RSRC1: variants seen among roughly 807,000 people sequenced by gnomAD.
The protein encoded by RSRC1 is arginine and serine rich coiled-coil 1.
A neutral mutation model predicts 49.1 loss-of-function variants in RSRC1; 39 were observed. The ratio of observed to expected loss-of-function variants is 0.79; its 90% CI spans 0.61 to 1.04. The LOEUF is 1.04. Among genes scored for constraint, RSRC1 ranks in the 50% least tolerant of loss-of-function variants. The pLI is 0.00. For synonymous variants in RSRC1, 143 were observed against 130.8 expected (o/e 1.09, Z -0.63); for missense variants, 388 against 402.4 (o/e 0.96, Z 0.31).
intron 6 of RSRC1, among the ~76,000 whole-genome samples, chr3:158,360,026 G>A (rs1221304062): frequency 6.6e-6 from 1 of 152,008 alleles, no homozygotes; most frequent in Non-Finnish European, 1.5e-5. Context: ...TCAGCAGAGA[G>A]GGTAGCTCCT....
intron 6 of RSRC1, among the ~76,000 whole-genome samples, chr3:158,427,106 C>G (rs1735487282): frequency 6.6e-6 from 1 of 151,654 alleles, no homozygotes; most frequent in African/African-American, 2.4e-5. Flanking sequence ...AGAGATACTT[C>G]TTGCCTGTGT....
At chr3:158,366,191 T>G (rs558986245) in intron 6 of RSRC1, among the ~76,000 whole-genome samples, 33 of 152,342 alleles carry the variant, frequency 2.2e-4, no homozygotes, top group African/African-American at 7.2e-4. Flanking sequence ...TTGCCATTGC[T>G]TTTGGTGTTT....
intron 7 of RSRC1, 75 bp downstream of exon 7, chr3:158,461,078 T>A: frequency 9.6e-7 from 1 of 1,036,956 alleles, no homozygotes; most frequent in Non-Finnish European, 1.4e-6. Context: ...TAGAATATAA[T>A]CTAATGCCTT....
intron 4 of RSRC1, among the ~76,000 whole-genome samples, chr3:158,216,287 G>A (rs557102600): frequency 2.0e-5 from 3 of 150,664 alleles, no homozygotes; most frequent in African/African-American, 7.3e-5. Context: ...TTTATGATTA[G>A]CTTAAGTTCA....
intron 6 of RSRC1, among the ~76,000 whole-genome samples, chr3:158,439,364 CAT>C (rs1443441997): frequency 2.0e-5 from 3 of 152,096 alleles, no homozygotes; most frequent in South Asian, 2.1e-4. Flanking sequence ...CACATGCACA[CAT>C]GTGTTTATTG....
intron 3 of RSRC1, among the ~76,000 whole-genome samples, chr3:158,175,376 A>G (rs546481768): frequency 3.9e-5 from 6 of 152,206 alleles, no homozygotes; most frequent in African/African-American, 4.8e-5. Context: ...GTTAAAATCA[A>G]TTGCAGTCTC....
intron 4 of RSRC1, among the ~76,000 whole-genome samples, chr3:158,246,013 T>C (rs1042875853): frequency 2.6e-5 from 4 of 152,160 alleles, no homozygotes; most frequent in African/African-American, 7.2e-5. Context: ...GTGTCTTTCA[T>C]TGGGGCATTT....
intron 4 of RSRC1, among the ~76,000 whole-genome samples, chr3:158,223,981 A>G (rs1278302621): frequency 3.3e-5 from 5 of 151,800 alleles, no homozygotes; most frequent in East Asian, 3.9e-4. Flanking sequence ...CCATTACTCT[A>G]TATTCTGTTT....
intron 4 of RSRC1, among the ~76,000 whole-genome samples, chr3:158,286,290 A>T (rs1243485206): frequency 1.3e-5 from 2 of 152,228 alleles, no homozygotes; most frequent in African/African-American, 4.8e-5. Flanking sequence ...TGGGAATTTA[A>T]TTCAAGTTTC....
chr3:158,509,752 A>G (rs1480073693), intron 7 of RSRC1, among the ~76,000 whole-genome samples: 1 of 152,228 alleles, frequency 6.6e-6, no homozygotes, highest in African/African-American at 2.4e-5. Flanking sequence ...CCATAGTGAT[A>G]GTACTGTCTA....
chr3:158,157,642 A>G (rs1435954198), intron 3 of RSRC1, among the ~76,000 whole-genome samples: 1 of 152,056 alleles, frequency 6.6e-6, no homozygotes, highest in African/African-American at 2.4e-5. Context: ...TTGAGGAACA[A>G]TGAAGAGCAA....
chr3:158,475,150 TTGGG>T (rs1258329226), intron 7 of RSRC1, among the ~76,000 whole-genome samples: 2 of 151,954 alleles, frequency 1.3e-5, no homozygotes, highest in Non-Finnish European at 2.9e-5. Flanking sequence ...TCTTGAACTT[TTGGG>T]CTCAAGCAAT....
rs549667591 is a variant in RSRC1, at chr3:158,115,642, A to G, written c.-3+5419A>G. 5.3e-5 allele frequency among the ~76,000 whole-genome samples: 8 copies of G among 152,306 alleles called. No individual in the cohort carries two copies. In the East Asian group the frequency reaches 1.5e-3, roughly 29 times the overall value. On this transcript the variant is annotated intron_variant, in intron 1 of 9. Coordinates refer to ENST00000611884, the MANE Select transcript of RSRC1 (RefSeq NM_001271838.2). ...GATATGAAAAATAACTGTGTTTTCC[A>G]AAACAAACTTAGTGAGAAAAGTGGC... is the stretch of plus-strand genomic sequence containing the variant.
In RSRC1 at chr3:158,474,759, A is replaced by G. The variant is rs1348206495; in HGVS notation, c.652+13756A>G. 2.6e-5 allele frequency among the ~76,000 whole-genome samples: 4 copies of G among 152,174 alleles called. No homozygotes were observed. In the East Asian group the frequency reaches 7.7e-4, roughly 29 times the overall value. ...TAATTCTAGCCCTTCTCCTTTGCCTAGCTGATACCTACCAATCCTTCAGGT... is the reference window on the plus strand; with the variant it reads ...TAATTCTAGCCCTTCTCCTTTGCCTGGCTGATACCTACCAATCCTTCAGGT... On this transcript the variant is annotated intron_variant, in intron 7 of 9. Transcript: ENST00000611884.
intron 3 of RSRC1, among the ~76,000 whole-genome samples, chr3:158,184,864 T>G (rs939563876): frequency 2.0e-5 from 3 of 152,096 alleles, no homozygotes; most frequent in African/African-American, 7.2e-5. Context: ...CTATTTCATA[T>G]GAATAAACTG....
At chr3:158,520,959 T>C (rs1711638843) in intron 7 of RSRC1, among the ~76,000 whole-genome samples, 2 of 152,168 alleles carry the variant, frequency 1.3e-5, no homozygotes, top group Admixed American at 6.5e-5. Context: ...CCCTGGTTAT[T>C]CCCTGGTTAT....
chr3:158,523,230 A>G (rs1357791516), intron 7 of RSRC1, among the ~76,000 whole-genome samples: 9 of 152,076 alleles, frequency 5.9e-5, no homozygotes, highest in Non-Finnish European at 1.3e-4. Context: ...ATCTTATTAT[A>G]TATAATACTT....
chr3:158,256,389 C>T (rs1433028054), intron 4 of RSRC1, among the ~76,000 whole-genome samples: 1 of 152,162 alleles, frequency 6.6e-6, no homozygotes, highest in Non-Finnish European at 1.5e-5. Context: ...TTGAACTAGC[C>T]TTGCATCCCA....
At chr3:158,310,450 T>TG (rs1728065648) in intron 5 of RSRC1, among the ~76,000 whole-genome samples, 1 of 151,786 alleles carries the variant, frequency 6.6e-6, no homozygotes, top group African/African-American at 2.4e-5. Context: ...TTTTTTAAAT[T>TG]GGTTTATTCA....
Sources: gnomAD v4.1 joint callset for allele counts (sites outside exome capture counted in the v4.1 genomes callset) on GRCh38, gnomAD v4.1.1 for gene constraint, MANE v1.5 for transcripts, NCBI Gene and HGNC (gene_info 2026-07-23, HGNC 2026-07-21) for gene names.